The following MTMR10 variants were observed in gnomAD, a reference collection of about 807,000 sequenced individuals.
MTMR10 encodes the protein myotubularin-related protein 10.
MTMR10 carries 56 observed loss-of-function variants against 88.1 expected under a neutral mutation model. The observed-to-expected ratio is 0.64, with a 90% confidence interval of 0.51 to 0.79. The LOEUF (loss-of-function observed/expected upper bound fraction) is 0.79. Ranked by LOEUF, MTMR10 falls within the 30% of genes least tolerant of loss-of-function variation. The probability of loss-of-function intolerance (pLI) is 0.00; values close to 1 mark genes in which losing one functional copy is unlikely to be tolerated. For missense variants in MTMR10, 883 were observed against 924.7 expected (o/e 0.95, Z 0.58); for synonymous variants, 380 against 340.9 (o/e 1.11, Z -1.26).
intron 2 of MTMR10, among the ~76,000 whole-genome samples, chr15:30,978,989 T>A (rs913689460): frequency 1.8e-4 from 27 of 152,128 alleles, no homozygotes; most frequent in African/African-American, 6.5e-4. Context: ...CCAATTCCCA[T>A]ATCAGATTCT....
At chr15:30,987,154 A>G (rs2030991438) in intron 2 of MTMR10, among the ~76,000 whole-genome samples, 1 of 152,254 alleles carries the variant, frequency 6.6e-6, no homozygotes, top group Admixed American at 6.5e-5. Flanking sequence ...AGGCTCCGAC[A>G]TAAATCTCTT....
chr15:30,953,518 T>G, intron 11 of MTMR10, 44 bp downstream of exon 11: 1 of 1,437,382 alleles, frequency 7.0e-7, no homozygotes, highest in Non-Finnish European at 9.5e-7. Flanking sequence ...TGTAGTTATC[T>G]CAAAATAAAA....
At chr15:30,974,681 C>A (rs902955913) in intron 4 of MTMR10, among the ~76,000 whole-genome samples, 1 of 152,030 alleles carries the variant, frequency 6.6e-6, no homozygotes, top group African/African-American at 2.4e-5. Flanking sequence ...CATCTAGACA[C>A]ATTTAATGAT....
rs1179626285 is a variant in MTMR10, at chr15:30,943,002, C to G, written c.1619G>C (p.Trp540Ser). ...KGLKFPSVWD[W>S]SLQFTAKDRT... ...ATCCTTTGCTGTAAACTGGAGAGAC[C>G]AGTCCCAAACAGAGGGGAATTTTAA... Residue 540 changes from tryptophan (W) to serine (S), a missense_variant, in exon 15 of 16, where the codon TGG becomes TCG. Coordinates refer to ENST00000435680, the MANE Select transcript of MTMR10 (RefSeq NM_017762.3). 1.3e-6 allele frequency: 2 copies of G among 1,552,270 alleles called. No individual in the cohort carries two copies. The highest frequency in any genetic ancestry group is 1.4e-5 in the African/African-American group (1 of 73,222).
chr15:30,927,704 C>A, the MTMR10 span: 3 of 985,578 alleles, frequency 3.0e-6, no homozygotes, highest in Non-Finnish European at 3.6e-6. Flanking sequence ...GGCCAGTGGT[C>A]TTGTGGGGAG....
chr15:30,926,560 T>C, the MTMR10 span: 108 of 936,448 alleles, frequency 1.2e-4, no homozygotes, highest in Non-Finnish European at 1.3e-4. Flanking sequence ...CCAGGTTCTT[T>C]CTGATGAGTG....
chr15:30,975,772 C>CT (rs1450648101), intron 3 of MTMR10, among the ~76,000 whole-genome samples: 8 of 152,062 alleles, frequency 5.3e-5, no homozygotes, highest in African/African-American at 1.7e-4. Flanking sequence ...ATGAAATATA[C>CT]TTACACTAAA....
intron 14 of MTMR10, among the ~76,000 whole-genome samples, chr15:30,945,301 G>C (rs1390465219): frequency 3.3e-5 from 5 of 152,134 alleles, no homozygotes; most frequent in Admixed American, 2.0e-4. Context: ...ATTAAAAAGA[G>C]CACTAGAACA....
chr15:30,948,622 TA>T (rs2063203542), intron 12 of MTMR10, 151 bp from the exon 13 acceptor site: 1 of 705,816 alleles, frequency 1.4e-6, no homozygotes, highest in African/African-American at 1.8e-5. Context: ...CCAGCAACTC[TA>T]AAATATTACA....
rs2063007004 is a variant in MTMR10, at chr15:30,940,492, G to GTTAT, written c.*974_*977dup. On this transcript the variant is annotated 3_prime_UTR_variant, in exon 16 of 16. Coordinates refer to ENST00000435680, the MANE Select transcript of MTMR10 (RefSeq NM_017762.3). ...AGGTGCCCAACTCGTAACCTCATTA[G>GTTAT]TTATTTCCAGGGGGAAGTGCCAGCA... 3 of 985,462 alleles carry GTTAT rather than the reference G, an allele frequency of 3.0e-6. No homozygotes were observed. Among genetic ancestry groups the GTTAT allele is most frequent in the East Asian group, 1.1e-4 (1 of 8,822 alleles). 61.0% of individuals were successfully genotyped at this position (985,462 alleles called of 1,614,324 possible).
At chr15:30,972,376 T>C (rs959373687) in intron 5 of MTMR10, among the ~76,000 whole-genome samples, 2 of 152,142 alleles carry the variant, frequency 1.3e-5, no homozygotes, top group Non-Finnish European at 2.9e-5. Context: ...TTTTTTTTCC[T>C]GCACCCTCCC....
chr15:30,947,158 G>C lies in MTMR10; in HGVS notation c.1520C>G (p.Ser507Cys), dbSNP rs781499702. The C allele has an allele frequency of 1.2e-6, 2 of 1,612,344 alleles. No individual in the cohort carries two copies. The highest frequency in any genetic ancestry group is 2.7e-5 in the African/African-American group (2 of 74,880). ...GCTTTGCTTCACTCGCTGGTGAGGG[G>C]AGTTGAACAGGAAGGTGCCAAACAG... ...ISLFGTFLFN[S>C]PHQRVKQSTE... is the part of the protein sequence containing the mutation. The change falls in exon 14 of 16, where the codon TCC becomes TGC. Residue 507 changes from serine to cysteine, a missense_variant. Coordinates refer to ENST00000435680, the MANE Select transcript of MTMR10 (RefSeq NM_017762.3).
the MTMR10 span, among the ~76,000 whole-genome samples, chr15:30,926,119 G>A: frequency 1.1e-4 from 16 of 152,270 alleles, 2 homozygotes; most frequent in African/African-American, 3.9e-4. Context: ...GTAGGTCAGG[G>A]GTAGTTGTCC....
At chr15:30,960,696 T>C (rs1393968958) in intron 7 of MTMR10, among the ~76,000 whole-genome samples, 185 bp downstream of exon 7, 2 of 152,210 alleles carry the variant, frequency 1.3e-5, no homozygotes, top group Admixed American at 6.5e-5. Context: ...TCAACTTCTT[T>C]TAAGGGATAC....
At chr15:30,962,894 C>T (rs1437446053) in intron 6 of MTMR10, among the ~76,000 whole-genome samples, 1 of 152,092 alleles carries the variant, frequency 6.6e-6, no homozygotes, top group African/African-American at 2.4e-5. Flanking sequence ...AGGAACAAGT[C>T]AAAAGTTGCC....
chr15:30,937,453 T>C (rs1204998272), downstream of MTMR10, among the ~76,000 whole-genome samples: 2 of 142,870 alleles, frequency 1.4e-5, no homozygotes, highest in African/African-American at 5.3e-5. Context: ...TAAACTTTTT[T>C]TTTTTTTTTT....
chr15:30,986,824 A>G (rs1328355135), intron 2 of MTMR10, among the ~76,000 whole-genome samples: 1 of 152,188 alleles, frequency 6.6e-6, no homozygotes, highest in African/African-American at 2.4e-5. Flanking sequence ...ATACAGGCAC[A>G]TGACACCTCC....
intron 5 of MTMR10, among the ~76,000 whole-genome samples, chr15:30,969,506 T>G (rs1188566525): frequency 6.6e-6 from 1 of 152,148 alleles, no homozygotes; most frequent in Non-Finnish European, 1.5e-5. Flanking sequence ...TGTTGCACTT[T>G]TCTCTAGACA....
At chr15:30,934,343 T>G (rs1018385712), downstream of MTMR10, among the ~76,000 whole-genome samples, 7 of 152,240 alleles carry the variant, frequency 4.6e-5, no homozygotes, top group African/African-American at 1.7e-4. Context: ...AGGCATCATA[T>G]AGTTGGGTCT....
Sources: gnomAD v4.1 joint callset for allele counts (sites outside exome capture counted in the v4.1 genomes callset) on GRCh38, gnomAD v4.1.1 for gene constraint, MANE v1.5 for transcripts, NCBI Gene and HGNC (gene_info 2026-07-23, HGNC 2026-07-21) for gene names.